The following LPIN1 variants were observed in gnomAD, a reference collection of about 807,000 sequenced individuals.
LPIN1 encodes lipin 1, also known as phosphatidate phosphatase LPIN1.
LPIN1 carries 71 observed loss-of-function variants against 107.5 expected under a neutral mutation model. The ratio of observed to expected loss-of-function variants is 0.66; its 90% confidence interval spans 0.55 to 0.80. LPIN1 has a LOEUF of 0.80. Among genes scored for constraint, LPIN1 ranks in the 30% least tolerant of loss-of-function variants. The pLI is 0.00. For synonymous variants in LPIN1, 445 were observed against 452.6 expected (o/e 0.98, Z 0.21); for missense variants, 1,043 against 1,160.6 (o/e 0.90, Z 1.47).
chr2:11,784,972 G>C lies in LPIN1; in HGVS notation c.1445G>C (p.Gly482Ala), dbSNP rs1674273047. Residue 482 changes from glycine (G) to alanine (A), a missense_variant, in exon 10 of 21, where the codon GGC becomes GCC. Physicochemically the swap from Gly to Ala is moderately conservative, Grantham distance 60. Transcript: ENST00000674199. ...TCCCCGCAGTCGGTGGGCAGCTCGG[G>C]CGTGGACAGTGGCGTGGAGAGCACC... ...NQSPQSVGSS[G>A]VDSGVESTSD... 6.2e-7 allele frequency: 1 copy of C among 1,613,896 alleles called. No homozygotes were observed. The highest frequency in any genetic ancestry group is 8.5e-7 in the Non-Finnish European group (1 of 1,180,004).
rs1165035642 is a variant in LPIN1 at position 11,771,607 on chromosome 2, C to T, written c.524C>T (p.Thr175Ile). 2.5e-6 allele frequency: 4 copies of T among 1,611,098 alleles called. No homozygotes were observed. The highest frequency in any genetic ancestry group is 1.1e-5 in the South Asian group (1 of 90,374). The stretch of plus-strand genomic sequence containing the variant: ...CTGAAGAGAGATGACAACATGAACA[C>T]ATCTGAGGATGAGGACATGTTCCCC... ...DSLKRDDNMN[T>I]SEDEDMFPIE... The change falls in exon 4 of 21, where the codon ACA (threonine) becomes ATA (isoleucine). Residue 175 changes from threonine (T) to isoleucine (I), a missense_variant. Thr to Ile is a moderately conservative substitution (Grantham distance 89). Transcript: ENST00000674199. The surrounding 1 kb of genome is among the most constrained non-coding windows in gnomAD (Gnocchi z 4.8).
At chr2:11,788,072 C>T (rs1028047910) in intron 11 of LPIN1, among the ~76,000 whole-genome samples, 2 of 152,160 alleles carry the variant, frequency 1.3e-5, no homozygotes, top group Non-Finnish European at 2.9e-5. Context: ...TTTACCTTGA[C>T]ACGTGGCAAG....
At chr2:11,783,762 T>C in intron 8 of LPIN1, 67 bp from the exon 9 acceptor site, 2 of 1,310,942 alleles carry the variant, frequency 1.5e-6, no homozygotes, top group East Asian at 2.3e-5. Flanking sequence ...GCTGTTTCTA[T>C]AGATACAAGG....
chr2:11,781,120 A>G (rs2148654415), intron 7 of LPIN1, among the ~76,000 whole-genome samples: 1 of 152,328 alleles, frequency 6.6e-6, no homozygotes, highest in Middle Eastern at 3.4e-3. Context: ...ATATGAATGA[A>G]TGAGTGAGTG....
intron 1 of LPIN1, chr2:11,741,341 G>A: frequency 6.5e-7 from 1 of 1,537,478 alleles, no homozygotes; most frequent in Non-Finnish European, 8.8e-7. Flanking sequence ...GATGTCGTGT[G>A]TCCACAGGTA....
intron 14 of LPIN1, among the ~76,000 whole-genome samples, chr2:11,801,020 T>A (rs533319764): frequency 6.6e-6 from 1 of 152,332 alleles, no homozygotes; most frequent in African/African-American, 2.4e-5. Context: ...TCAACATCAC[T>A]AATCAGGAAA....
At chr2:11,751,910 T>C (rs138107582) in intron 1 of LPIN1, among the ~76,000 whole-genome samples, 1,567 of 152,290 alleles carry the variant, frequency 0.01, 22 homozygotes, top group African/African-American at 0.035. Context: ...TAAGTATTTT[T>C]GTACCTGTTT....
At chr2:11,821,064 C>T (rs922602919) in intron 20 of LPIN1, among the ~76,000 whole-genome samples, 2 of 152,212 alleles carry the variant, frequency 1.3e-5, no homozygotes, top group Non-Finnish European at 2.9e-5. Context: ...CTGTCCCCCT[C>T]GGGTTCCTAA....
intron 1 of LPIN1, among the ~76,000 whole-genome samples, chr2:11,678,702 G>A (rs1661554239): frequency 1.3e-5 from 2 of 152,216 alleles, no homozygotes; most frequent in East Asian, 1.9e-4. Context: ...TCTGGGGCTG[G>A]TGTCCAGGCG....
At chr2:11,799,434 TC>T (rs1677299416) in intron 14 of LPIN1, among the ~76,000 whole-genome samples, 2 of 64,140 alleles carry the variant, frequency 3.1e-5, no homozygotes, top group African/African-American at 2.6e-4. Context: ...GCCTGTAGCC[TC>T]GTTCTTCTTC....
intron 1 of LPIN1, among the ~76,000 whole-genome samples, chr2:11,694,899 C>T (rs10178300): frequency 0.38 from 58,306 of 152,072 alleles, 11,964 homozygotes; most frequent in East Asian, 0.52. Context: ...AGCCGAGGTT[C>T]TCTATGAACC....
At chr2:11,741,500 CAACTGCAAGGAAAAGAACTGCGTAAAT>C in intron 2 of LPIN1, 1 of 1,214,408 alleles carries the variant, frequency 8.2e-7, no homozygotes, top group Non-Finnish European at 1.2e-6. Context: ...TATTGTTTGG[CAACTGCAAGGAAAAGAACTGCGTAAAT>C]TGGTTCCAAA....
chr2:11,766,063 C>CA (rs1438335040), intron 2 of LPIN1, among the ~76,000 whole-genome samples: 1 of 152,236 alleles, frequency 6.6e-6, no homozygotes. Context: ...TCTGAACACT[C>CA]ACGTTCTTTG....
At chr2:11,791,101 A>G (rs1675643818) in intron 12 of LPIN1, among the ~76,000 whole-genome samples, 1 of 152,178 alleles carries the variant, frequency 6.6e-6, no homozygotes, top group Non-Finnish European at 1.5e-5. Context: ...ATTTTAGTGC[A>G]GTTGGGTTTT....
At chr2:11,754,112 C>T (rs1668306369) in intron 1 of LPIN1, among the ~76,000 whole-genome samples, 3 of 152,106 alleles carry the variant, frequency 2.0e-5, no homozygotes, top group African/African-American at 7.2e-5. Context: ...AGGAAGGGTG[C>T]CAGGGGTGGT....
Position 11,819,528 on chromosome 2 carries a change from T to A in LPIN1, c.2447T>A (p.Leu816Ter). 1.9e-6 allele frequency: 3 copies of A among 1,614,082 alleles called. No individual in the cohort carries two copies. Among genetic ancestry groups the A allele is most frequent in the Non-Finnish European group, 2.5e-6 (3 of 1,179,892 alleles). The change falls in exon 19 of 21, where the codon TTG (leucine) becomes TAG (stop). Residue 816 changes from leucine (L) to a stop codon, truncating the protein, a stop_gained. Transcript: ENST00000674199. LOFTEE classifies it high-confidence loss of function. ...KKPEKFKVQC[L>*]TDIKNLFFPN... is the part of the protein sequence containing the mutation. ...CCAGAAAAGTTTAAAGTCCAGTGTT[T>A]GACAGACATCAAAAACCTGTTTTTC...
chr2:11,696,739 AACT>A (rs1662602236), intron 1 of LPIN1, among the ~76,000 whole-genome samples: 1 of 152,194 alleles, frequency 6.6e-6, no homozygotes, highest in Admixed American at 6.5e-5. Context: ...CAGGCCAAAC[AACT>A]CCTCGCTTGC....
intron 1 of LPIN1, among the ~76,000 whole-genome samples, chr2:11,747,635 T>G (rs1296088850): frequency 6.6e-6 from 1 of 152,194 alleles, no homozygotes; most frequent in African/African-American, 2.4e-5. Context: ...ATTGTGAGAT[T>G]GACTGTTTAT....
intron 3 of LPIN1, among the ~76,000 whole-genome samples, chr2:11,770,878 G>A (rs1026572155): frequency 2.6e-5 from 4 of 152,084 alleles, no homozygotes; most frequent in African/African-American, 4.8e-5. Flanking sequence ...GTTGTTTTAC[G>A]TGTTTTTGGT....
Sources: gnomAD v4.1 joint callset for allele counts (sites outside exome capture counted in the v4.1 genomes callset) on GRCh38, gnomAD v4.1.1 for gene constraint, Gnocchi (gnomAD v3.1) non-coding constraint, MANE v1.5 for transcripts, NCBI Gene and HGNC (gene_info 2026-07-23, HGNC 2026-07-21) for gene names.